Variants in EPX observed in about 807,000 individuals in gnomAD.
EPX encodes eosinophil peroxidase.
EPX carries 60 observed loss-of-function variants against 73.0 expected under a neutral mutation model. That is an observed-to-expected ratio of 0.82 (90% CI 0.67 to 1.02). The LOEUF is 1.02. EPX is among the 50% of genes least tolerant of loss of function. The probability of loss-of-function intolerance (pLI) is 0.00; values close to 1 mark genes in which losing one functional copy is unlikely to be tolerated. For missense variants in EPX, 950 were observed against 973.9 expected (o/e 0.98, Z 0.33); for synonymous variants, 347 against 389.2 (o/e 0.89, Z 1.28).
At chr17:58,201,511 C>A (rs1968340511) in intron 10 of EPX, among the ~76,000 whole-genome samples, 1 of 152,238 alleles carries the variant, frequency 6.6e-6, no homozygotes, top group African/African-American at 2.4e-5. Context: ...TTGCCAGAAC[C>A]TGCCGCCGCC....
chr17:58,192,994 G>A (rs1449613265), intron 1 of EPX, 44 bp from the exon 2 acceptor site: 2 of 1,592,614 alleles, frequency 1.3e-6, no homozygotes, highest in Non-Finnish European at 1.7e-6. Flanking sequence ...CTTGGAGGGG[G>A]TCTTGTGGCT....
rs533313223 is a variant in EPX at position 58,204,715 on chromosome 17, C to T, written c.*12-21C>T. 9.9e-5 allele frequency: 43 copies of T among 435,728 alleles called. No homozygotes were observed. The Middle Eastern group carries it at 2.0e-3, about 21-fold the overall frequency. 27.0% of individuals were successfully genotyped at this position (435,728 alleles called of 1,614,324 possible). A position where few individuals can be genotyped will look rare whatever the true frequency, so the allele number is the denominator to read the frequency against. ...AACATCCAGTAAATTCCTGACTTAT[C>T]CAGTTCTGTTACTTCCACAGGAGTC... On this transcript the variant is annotated intron_variant, in intron 12 of 12. Transcript: ENST00000225371.
chr17:58,204,239 G>A lies in EPX; in HGVS notation c.1964G>A (p.Arg655Gln), dbSNP rs537204155. The A allele has an allele frequency of 2.3e-5, 37 of 1,614,032 alleles. No individual in the cohort carries two copies. The highest frequency in any genetic ancestry group is 3.3e-5 in the Admixed American group (2 of 60,022). Reference sequence around the variant, plus strand: ...CCTGGTAGGTTCTGGTGGCAGAAACGAGGTGTTTTCACCAAAAGACAGCGC... The same window carrying A: ...CCTGGTAGGTTCTGGTGGCAGAAACAAGGTGTTTTCACCAAAAGACAGCGC... ...RDGDRFWWQK[R>Q]GVFTKRQRKA... The change falls in exon 12 of 13, where the codon CGA becomes CAA. Residue 655 changes from arginine (R) to glutamine (Q), a missense_variant. Arg to Gln is a conservative substitution (Grantham distance 43, BLOSUM62 1). Transcript: ENST00000225371.
rs527836845 is a variant in EPX at position 58,202,975 on chromosome 17, C to T, written c.1709-106C>T. 13 of 825,148 alleles carry T rather than the reference C, an allele frequency of 1.6e-5. No individual in the cohort carries two copies. In the South Asian group the frequency reaches 1.7e-4, roughly 10 times the overall value. 51.1% of individuals were successfully genotyped at this position (825,148 alleles called of 1,614,324 possible). ...CTGCCAGCAGGATCTTCTGGTTCTG[C>T]CCAATATTGACTGGCCACAGCTTCC... is the stretch of plus-strand genomic sequence containing the variant. On this transcript the variant is annotated intron_variant, in intron 10 of 12. Transcript: ENST00000225371.
In EPX at chr17:58,204,382, C is replaced by T. The variant is rs752232427; in HGVS notation, c.2107C>T (p.Arg703Cys). ...IYPRGFVNCSRIPRLNLSAWR... is the reference protein window; with the variant it reads ...IYPRGFVNCSCIPRLNLSAWR... ...CCCTCGGGGCTTTGTGAACTGCAGC[C>T]GTATCCCCAGGTTGAACCTATCAGC... Residue 703 changes from arginine (R) to cysteine (C), a missense_variant, in exon 12 of 13, where the codon CGT (arginine) becomes TGT (cysteine). Coordinates refer to ENST00000225371, the MANE Select transcript of EPX (RefSeq NM_000502.6). 3.0e-5 allele frequency: 48 copies of T among 1,614,036 alleles called. No individual in the cohort carries two copies. The highest frequency in any genetic ancestry group is 3.0e-4 in the South Asian group (27 of 91,080).
At chr17:58,196,510 C>A (rs1049411061) in intron 6 of EPX, among the ~76,000 whole-genome samples, 2 of 152,164 alleles carry the variant, frequency 1.3e-5, no homozygotes, top group East Asian at 1.9e-4. Flanking sequence ...CTTCCTGCAA[C>A]CTTTCCTGTG....
At chr17:58,196,388 G>A (rs553802427) in intron 6 of EPX, among the ~76,000 whole-genome samples, 10 of 152,296 alleles carry the variant, frequency 6.6e-5, no homozygotes, top group African/African-American at 2.4e-4. Flanking sequence ...GATTATAGGC[G>A]TGAGCCACCA....
At chr17:58,199,276 G>A in intron 8 of EPX, 76 bp downstream of exon 8, 1 of 1,507,892 alleles carries the variant, frequency 6.6e-7, no homozygotes, top group Non-Finnish European at 9.1e-7. Flanking sequence ...CATCCTTGCG[G>A]ATGTGCCTAA....
chr17:58,204,099 T>G, intron 11 of EPX, 123 bp from the exon 12 acceptor site: 2 of 765,394 alleles, frequency 2.6e-6, no homozygotes, highest in Non-Finnish European at 4.6e-6. Context: ...GAGATTCCAA[T>G]CTTGCAGGAA....
intron 10 of EPX, among the ~76,000 whole-genome samples, 160 bp downstream of exon 10, chr17:58,200,555 T>A (rs761890446): frequency 3.9e-5 from 6 of 152,232 alleles, no homozygotes; most frequent in Non-Finnish European, 7.3e-5. Flanking sequence ...AAAGCACTCC[T>A]GGAACACCGC....
chr17:58,197,420 T>TG (rs34415223), intron 7 of EPX, among the ~76,000 whole-genome samples, 163 bp downstream of exon 7: 55,167 of 151,988 alleles, frequency 0.36, 10,548 homozygotes, highest in African/African-American at 0.48. Flanking sequence ...ATCAGAACGT[T>TG]GAGTCCCTTT....
At chr17:58,202,328 T>C (rs1343305878) in intron 10 of EPX, 1 of 152,476 alleles carries the variant, frequency 6.6e-6, no homozygotes, top group Non-Finnish European at 1.5e-5. Flanking sequence ...CGTGGGATCC[T>C]GATGGCTGAC....
Position 58,193,369 on chromosome 17 carries a change from A to T in EPX, c.171-2A>T. 6.2e-7 allele frequency: 1 copy of T among 1,614,196 alleles called. No individual in the cohort carries two copies. The highest frequency in any genetic ancestry group is 1.3e-5 in the African/African-American group (1 of 75,064). ...AGCCCTCACTCCTCCTCTCCTGGGC[A>T]GCATCAAGCAGCGGCTTCGCAGCGG... On this transcript the variant is annotated splice_acceptor_variant, in intron 2 of 12. Transcript: ENST00000225371. LOFTEE classifies it high-confidence loss of function.
rs556218205 is a variant in EPX at position 58,194,838 on chromosome 17, G to A, written c.595-126G>A. 3.6e-5 allele frequency: 27 copies of A among 739,950 alleles called. 1 individual carries two copies. In the South Asian group the frequency reaches 4.0e-4, roughly 11 times the overall value. 45.8% of individuals were successfully genotyped at this position (739,950 alleles called of 1,614,324 possible). On this transcript the variant is annotated intron_variant, in intron 5 of 12. Coordinates refer to ENST00000225371, the MANE Select transcript of EPX (RefSeq NM_000502.6). ...CGCCTCCAGGGACAAAAGGGGCATG[G>A]AGGGCAGAAGAGGAGAGGCTGTCAA... is the stretch of plus-strand genomic sequence containing the variant.
At chr17:58,194,839 A>G in intron 5 of EPX, 125 bp from the exon 6 acceptor site, 4 of 740,166 alleles carry the variant, frequency 5.4e-6, no homozygotes, top group Non-Finnish European at 9.7e-6. Flanking sequence ...AGGGGCATGG[A>G]GGGCAGAAGA....
chr17:58,204,893 C>G lies in EPX; in HGVS notation c.*169C>G, dbSNP rs1968410693. On this transcript the variant is annotated 3_prime_UTR_variant, in exon 13 of 13. Coordinates refer to ENST00000225371, the MANE Select transcript of EPX (RefSeq NM_000502.6). ...AGGAGTGAAGGCTGGGGGCTCCTATCAGCAATGGACCTTCCCGCCTTGGGA... is the reference window on the plus strand; with the variant it reads ...AGGAGTGAAGGCTGGGGGCTCCTATGAGCAATGGACCTTCCCGCCTTGGGA... 5.2e-6 allele frequency: 1 copy of G among 190,826 alleles called. No homozygotes were observed. The highest frequency in any genetic ancestry group is 5.3e-5 in the Admixed American group (1 of 18,824). 11.8% of individuals were successfully genotyped at this position (190,826 alleles called of 1,614,324 possible).
chr17:58,203,357 C>A (rs1968369155), intron 11 of EPX, 39 bp downstream of exon 11: 2 of 1,356,392 alleles, frequency 1.5e-6, no homozygotes, highest in African/African-American at 1.4e-5. Context: ...GCACCAGAGG[C>A]AGAGCAGAAA....
rs1389075342 is a variant in EPX, at chr17:58,193,435, C to A, written c.235C>A (p.Pro79Thr). The change falls in exon 3 of 13, where the codon CCG (proline) becomes ACG (threonine). Residue 79 changes from proline (P) to threonine (T), a missense_variant. Transcript: ENST00000225371. Reference sequence around the variant, plus strand: ...GGACCTCCTGTCCTACTTCAAACAACCGGTAGCAGCCACCAGGACAGTTGT... The same window carrying A: ...GGACCTCCTGTCCTACTTCAAACAAACGGTAGCAGCCACCAGGACAGTTGT... ...PMDLLSYFKQ[P>T]VAATRTVVRA... The A allele has an allele frequency of 1.2e-6, 2 of 1,614,080 alleles. No homozygotes were observed. The highest frequency in any genetic ancestry group is 1.7e-6 in the Non-Finnish European group (2 of 1,180,028).
At chr17:58,196,103 T>TTTA (rs995919915) in intron 6 of EPX, among the ~76,000 whole-genome samples, 15 of 151,682 alleles carry the variant, frequency 9.9e-5, no homozygotes, top group South Asian at 2.1e-4. Context: ...TTCTTTCTTC[T>TTTA]TTATTATTAT....
Sources: gnomAD v4.1 joint callset for allele counts (sites outside exome capture counted in the v4.1 genomes callset) on GRCh38, gnomAD v4.1.1 for gene constraint, MANE v1.5 for transcripts, NCBI Gene and HGNC (gene_info 2026-07-23, HGNC 2026-07-21) for gene names.